Variants in IL1R1 observed in about 807,000 individuals in gnomAD.
IL1R1 encodes the protein interleukin-1 receptor type 1.
Under a neutral mutation model 50.2 loss-of-function variants are expected in IL1R1, and 22 were observed. That is an observed-to-expected ratio of 0.44 (90% CI 0.31 to 0.63). The LOEUF (loss-of-function observed/expected upper bound fraction) is 0.63. Ranked by LOEUF, IL1R1 falls within the 20% of genes least tolerant of loss-of-function variation. IL1R1 has a pLI of 0.07. For synonymous variants in IL1R1, 251 were observed against 236.7 expected (o/e 1.06, Z -0.55); for missense variants, 509 against 676.2 (o/e 0.75, Z 2.74).
chr2:102,132,470 C>T (rs575628326), intron 1 of IL1R1, among the ~76,000 whole-genome samples: 1 of 152,020 alleles, frequency 6.6e-6, no homozygotes, highest in South Asian at 2.1e-4. Flanking sequence ...GCACTAAATA[C>T]CTGTTTTAAA....
chr2:102,152,649 A>G (rs896624477), intron 1 of IL1R1, among the ~76,000 whole-genome samples: 1 of 149,128 alleles, frequency 6.7e-6, no homozygotes, highest in Non-Finnish European at 1.5e-5. Flanking sequence ...TTTTGGTGCC[A>G]TTCACTATAT....
In IL1R1 at chr2:102,178,777, AAATGTTTCAT is replaced by A. The variant is rs1488623498; in HGVS notation, c.*2019_*2028del. On this transcript the variant is annotated 3_prime_UTR_variant, in exon 12 of 12. Coordinates refer to ENST00000410023, the MANE Select transcript of IL1R1 (RefSeq NM_000877.4). ...TTTCCCTAGAGGCAAACATTTCTTA[AAATGTTTCAT>A]TTTCATTAAAAATGAAAGCCAAATT... 1 of 152,354 alleles carries A rather than the reference AAATGTTTCAT, an allele frequency of 6.6e-6. No homozygotes were observed. Among genetic ancestry groups the A allele is most frequent in the Non-Finnish European group, 1.5e-5 (1 of 68,044 alleles). The allele number at this position is 152,354 out of a possible 1,614,324, so 9.4% of individuals were successfully genotyped here.
chr2:102,155,169 A>T (rs889015975), intron 2 of IL1R1, among the ~76,000 whole-genome samples: 23 of 152,238 alleles, frequency 1.5e-4, no homozygotes, highest in Non-Finnish European at 7.3e-5. Flanking sequence ...CAAAACTGTT[A>T]TTTGTCATCA....
chr2:102,121,743 C>A (rs1002112671), intron 1 of IL1R1, among the ~76,000 whole-genome samples: 2 of 152,186 alleles, frequency 1.3e-5, no homozygotes, highest in African/African-American at 4.8e-5. Flanking sequence ...TTTAACATTT[C>A]TGAAATTAGG....
chr2:102,112,395 C>A (rs973280438), intron 1 of IL1R1, among the ~76,000 whole-genome samples: 1 of 150,942 alleles, frequency 6.6e-6, no homozygotes, highest in African/African-American at 2.4e-5. Context: ...AATTGCTGGC[C>A]CTGAGGTGAT....
Position 102,158,614 on chromosome 2 carries a change from T to G in IL1R1, c.61+829T>G, listed in dbSNP as rs140151348. ...TTCAGAATAAAAATATCAGCATGTC[T>G]GGAGCATAGTGAGAGATGAGGGAAG... On this transcript the variant is annotated intron_variant, in intron 3 of 11. Transcript: ENST00000410023. 2.6e-3 allele frequency among the ~76,000 whole-genome samples: 391 copies of G among 152,298 alleles called. 2 individuals carry two copies. Among genetic ancestry groups the G allele is most frequent in the African/African-American group, 7.5e-3 (313 of 41,554 alleles).
rs562029336 is a variant in IL1R1 at position 102,147,837 on chromosome 2, A to C, written c.-84+4817A>C. On this transcript the variant is annotated intron_variant, in intron 1 of 11. Transcript: ENST00000410023. ...TGAATAATTGAGATTTCATAGCGAC[A>C]CTTGAAACCTCTTGGGAAATTTTTA... is the stretch of plus-strand genomic sequence containing the variant. 2.6e-5 allele frequency among the ~76,000 whole-genome samples: 4 copies of C among 152,324 alleles called. No individual in the cohort carries two copies. The South Asian group carries it at 8.3e-4, about 32-fold the overall frequency.
chr2:102,084,899 A>G lies in IL1R1; in HGVS notation c.-84+14366A>G, dbSNP rs1284676953. On this transcript the variant is annotated intron_variant, in intron 1 of 11. Coordinates refer to the IL1R1 transcript ENST00000409929. ...ATGGAAATCTTTACCAGCGTTTAAT[A>G]TTTTCTCTTATTCATTTTCACCATT... Among the ~76,000 whole-genome samples, 3 of 152,064 alleles carry G rather than the reference A, an allele frequency of 2.0e-5. No homozygotes were observed. The East Asian group carries it at 5.8e-4, about 29-fold the overall frequency.
intron 1 of IL1R1, among the ~76,000 whole-genome samples, chr2:102,134,290 G>T (rs1682214268): frequency 6.6e-6 from 1 of 151,846 alleles, no homozygotes; most frequent in Non-Finnish European, 1.5e-5. Context: ...GTCTTAGGCT[G>T]CTCTCTCTGC....
intron 1 of IL1R1, among the ~76,000 whole-genome samples, chr2:102,087,189 G>A (rs147925275): frequency 6.6e-6 from 1 of 152,118 alleles, no homozygotes; most frequent in Non-Finnish European, 1.5e-5. Context: ...ATGATCTAAG[G>A]CTTCAGTAAG....
At chr2:102,087,692 G>T (rs1247421867) in intron 1 of IL1R1, among the ~76,000 whole-genome samples, 1 of 152,184 alleles carries the variant, frequency 6.6e-6, no homozygotes, top group Non-Finnish European at 1.5e-5. Flanking sequence ...CACCGTGTAA[G>T]ACGTGCCTTG....
rs77642427 is a variant in IL1R1, at chr2:102,155,793, T to C, written c.-7+1776T>C. The stretch of plus-strand genomic sequence containing the variant: ...ATGAGGTCTGACATCAGCTGGTTCA[T>C]TGCCCCTTGTGCCCCTTGAGCACAC... On this transcript the variant is annotated intron_variant, in intron 2 of 11. Transcript: ENST00000410023. Among the ~76,000 whole-genome samples the C allele has an allele frequency of 7.2e-4, 109 of 152,330 alleles. 1 individual carries two copies. In the East Asian group the frequency reaches 0.02, roughly 28 times the overall value.
chr2:102,167,771 C>A (rs1313361793), intron 6 of IL1R1, among the ~76,000 whole-genome samples: 2 of 151,998 alleles, frequency 1.3e-5, no homozygotes, highest in Non-Finnish European at 2.9e-5. Context: ...TTTTGATATT[C>A]TCTGTTTCCT....
chr2:102,094,221 G>A (rs1679803541), intron 1 of IL1R1, among the ~76,000 whole-genome samples: 1 of 152,144 alleles, frequency 6.6e-6, no homozygotes, highest in South Asian at 2.1e-4. Flanking sequence ...TAAAATGCTG[G>A]TGAAAACGTG....
chr2:102,164,220 G>T (rs371860397), intron 3 of IL1R1, among the ~76,000 whole-genome samples: 1 of 152,012 alleles, frequency 6.6e-6, no homozygotes. Flanking sequence ...TAAGTACTTG[G>T]GTACTCTGCC....
intron 1 of IL1R1, among the ~76,000 whole-genome samples, chr2:102,080,390 C>G (rs1290161003): frequency 6.6e-6 from 1 of 152,102 alleles, no homozygotes; most frequent in Non-Finnish European, 1.5e-5. Flanking sequence ...AATAAAAAGA[C>G]AACCCAATTA....
chr2:102,076,322 C>T (rs4851538), intron 1 of IL1R1, among the ~76,000 whole-genome samples: 30,956 of 151,816 alleles, frequency 0.2, 3,671 homozygotes, highest in East Asian at 0.53. Flanking sequence ...GGACTACAGG[C>T]GCCTGCCACC....
At chr2:102,085,491 G>T (rs1254516679) in intron 1 of IL1R1, among the ~76,000 whole-genome samples, 1 of 152,070 alleles carries the variant, frequency 6.6e-6, no homozygotes, top group Non-Finnish European at 1.5e-5. Flanking sequence ...TCTCTCTTCA[G>T]TTCAGTGGCG....
At chr2:102,097,897 A>T (rs1679973857) in intron 1 of IL1R1, among the ~76,000 whole-genome samples, 1 of 152,080 alleles carries the variant, frequency 6.6e-6, no homozygotes, top group Non-Finnish European at 1.5e-5. Context: ...GATAAAAATT[A>T]AAAGAAACAC....
Sources: gnomAD v4.1 joint callset for allele counts (sites outside exome capture counted in the v4.1 genomes callset) on GRCh38, gnomAD v4.1.1 for gene constraint, MANE v1.5 for transcripts, NCBI Gene and HGNC (gene_info 2026-07-23, HGNC 2026-07-21) for gene names.